Variants in UBE2K observed in about 807,000 individuals in gnomAD.
The protein encoded by UBE2K is ubiquitin conjugating enzyme E2 K.
In UBE2K, 6 loss-of-function variants were observed where a neutral mutation model predicts 30.0. That is an observed-to-expected ratio of 0.20 (90% CI 0.11 to 0.39). UBE2K has a LOEUF of 0.39. Among genes scored for constraint, UBE2K ranks in the 10% least tolerant of loss-of-function variants. UBE2K has a pLI of 1.00. For missense variants in UBE2K, 61 were observed against 241.6 expected (o/e 0.25, Z 4.96); for synonymous variants, 86 against 83.7 (o/e 1.03, Z -0.15).
intron 1 of UBE2K, among the ~76,000 whole-genome samples, chr4:39,698,611 A>G (rs1161889308): frequency 6.6e-6 from 1 of 152,008 alleles, no homozygotes; most frequent in African/African-American, 2.4e-5. Context: ...CTGGGGTGGA[A>G]CATGGTTTGG....
chr4:39,778,343 C>T lies in UBE2K; in HGVS notation c.529-17C>T. On this transcript the variant is annotated splice_polypyrimidine_tract_variant and intron_variant, in intron 6 of 6. Transcript: ENST00000261427. ...TTCCTTGAGATTTAATTTCCTGTCC[C>T]CTTTTCTTCTCTACAGAATGCAGTA... is the stretch of plus-strand genomic sequence containing the variant. 1 of 1,557,248 alleles carries T rather than the reference C, an allele frequency of 6.4e-7. No individual in the cohort carries two copies. Among genetic ancestry groups the T allele is most frequent in the Middle Eastern group, 1.7e-4 (1 of 5,954 alleles).
At chr4:39,760,388 A>G (rs1327311954) in intron 4 of UBE2K, among the ~76,000 whole-genome samples, 1 of 152,090 alleles carries the variant, frequency 6.6e-6, no homozygotes, top group African/African-American at 2.4e-5. Flanking sequence ...TAATAGCCCC[A>G]ACGGGAAATA....
At chr4:39,700,968 G>A (rs954023596) in intron 1 of UBE2K, among the ~76,000 whole-genome samples, 1 of 147,988 alleles carries the variant, frequency 6.8e-6, no homozygotes, top group African/African-American at 2.7e-5. Flanking sequence ...TTGCCTGTAT[G>A]GGTAAAAGGT....
chr4:39,717,752 C>T (rs1012113987), intron 1 of UBE2K, among the ~76,000 whole-genome samples: 1 of 152,050 alleles, frequency 6.6e-6, no homozygotes, highest in Non-Finnish European at 1.5e-5. Flanking sequence ...TTCTTAAAGG[C>T]GGCGTGTCCG....
At chr4:39,713,302 T>TTTTTTTTTG (rs1718820020) in intron 1 of UBE2K, among the ~76,000 whole-genome samples, 1 of 145,744 alleles carries the variant, frequency 6.9e-6, no homozygotes, top group African/African-American at 2.6e-5. Context: ...TTTTTTTTTT[T>TTTTTTTTTG]GAGACAGTTC....
chr4:39,721,546 G>A (rs1249470147), intron 1 of UBE2K, among the ~76,000 whole-genome samples: 4 of 151,464 alleles, frequency 2.6e-5, no homozygotes, highest in Non-Finnish European at 5.9e-5. Context: ...TTGTAGAGAT[G>A]GGGTTTCACC....
intron 2 of UBE2K, among the ~76,000 whole-genome samples, chr4:39,744,799 T>C (rs1035667134): frequency 4.0e-5 from 6 of 150,776 alleles, no homozygotes; most frequent in African/African-American, 1.2e-4. Flanking sequence ...CTCAGCTACT[T>C]GGGAGGCTGA....
At chr4:39,742,754 C>G (rs886857748) in intron 2 of UBE2K, among the ~76,000 whole-genome samples, 2 of 150,334 alleles carry the variant, frequency 1.3e-5, no homozygotes, top group African/African-American at 4.9e-5. Flanking sequence ...TAAAAAGTAG[C>G]CAGAAGAGAG....
At chr4:39,763,285 CTT>C (rs1013214940) in intron 4 of UBE2K, among the ~76,000 whole-genome samples, 9 of 148,798 alleles carry the variant, frequency 6.0e-5, no homozygotes, top group Non-Finnish European at 1.0e-4. Flanking sequence ...GAGTTTCGCT[CTT>C]GTTACCCGGG....
Position 39,745,742 on chromosome 4 carries a change from A to AT in UBE2K, c.158-3dup, listed in dbSNP as rs770160239. ...CAGCATTCTTAACTTTGTTTTCCCC[A>AT]TTTTTTTAGGAGGAAGATACCAACT... On this transcript the variant is annotated splice_polypyrimidine_tract_variant and intron_variant, in intron 2 of 6. Coordinates refer to ENST00000261427, the MANE Select transcript of UBE2K (RefSeq NM_005339.5). The AT allele has an allele frequency of 6.9e-6, 11 of 1,594,588 alleles. No individual in the cohort carries two copies. The highest frequency in any genetic ancestry group is 2.2e-5 in the South Asian group (2 of 88,890).
intron 3 of UBE2K, among the ~76,000 whole-genome samples, chr4:39,748,513 C>T (rs1342693569): frequency 2.0e-5 from 3 of 152,006 alleles, no homozygotes; most frequent in African/African-American, 7.2e-5. Context: ...GGCATGGTGG[C>T]TCACGCCTAT....
At chr4:39,759,065 C>T (rs1264438392) in intron 4 of UBE2K, among the ~76,000 whole-genome samples, 1 of 152,078 alleles carries the variant, frequency 6.6e-6, no homozygotes, top group Admixed American at 6.6e-5. Context: ...ACATTTAGTG[C>T]ATATCCATAT....
intron 1 of UBE2K, among the ~76,000 whole-genome samples, chr4:39,722,357 A>G (rs985065126): frequency 6.6e-6 from 1 of 152,292 alleles, no homozygotes; most frequent in South Asian, 2.1e-4. Flanking sequence ...CTTCATATTG[A>G]ATCATATTAG....
intron 1 of UBE2K, among the ~76,000 whole-genome samples, chr4:39,728,479 T>C (rs1056494764): frequency 6.6e-6 from 1 of 152,216 alleles, no homozygotes; most frequent in Non-Finnish European, 1.5e-5. Flanking sequence ...TTAGGTATTA[T>C]TGTTGATCGT....
chr4:39,732,514 T>G (rs1289350415), intron 1 of UBE2K, among the ~76,000 whole-genome samples: 2 of 152,130 alleles, frequency 1.3e-5, no homozygotes, highest in Non-Finnish European at 2.9e-5. Flanking sequence ...GGAAATACAT[T>G]AGAACCGCTT....
chr4:39,701,279 T>G (rs147912188), intron 1 of UBE2K, among the ~76,000 whole-genome samples: 29 of 152,324 alleles, frequency 1.9e-4, no homozygotes, highest in African/African-American at 6.7e-4. Context: ...TAATTAGTTA[T>G]TTTATGAGTA....
Position 39,712,097 on chromosome 4 carries a change from A to G in UBE2K, c.63+13707A>G, listed in dbSNP as rs181711952. Among the ~76,000 whole-genome samples, 1,120 of 147,058 alleles carry G rather than the reference A, an allele frequency of 7.6e-3. 16 individuals carry two copies. Among genetic ancestry groups the G allele is most frequent in the African/African-American group, 0.026 (1,058 of 40,180 alleles). The stretch of plus-strand genomic sequence containing the variant: ...TATCTCAGGAAAAAAAGAGGAAGGG[A>G]AAAAAAAAACGTAGTTACTTGAAAC... On this transcript the variant is annotated intron_variant, in intron 1 of 6. Transcript: ENST00000261427.
chr4:39,709,894 A>G (rs1169735974), intron 1 of UBE2K, among the ~76,000 whole-genome samples: 1 of 152,084 alleles, frequency 6.6e-6, no homozygotes, highest in Non-Finnish European at 1.5e-5. Flanking sequence ...AACTAGACCA[A>G]AGAATCTAGA....
chr4:39,752,485 C>T (rs1412602853), intron 3 of UBE2K, among the ~76,000 whole-genome samples: 6 of 151,882 alleles, frequency 4.0e-5, no homozygotes, highest in Non-Finnish European at 5.9e-5. Context: ...TACAGGCGCC[C>T]GCCACCGCGC....
Sources: allele counts gnomAD v4.1 joint callset (sites outside exome capture counted in the v4.1 genomes callset), GRCh38; gene constraint gnomAD v4.1.1; transcripts MANE v1.5; gene names NCBI Gene and HGNC (gene_info 2026-07-23, HGNC 2026-07-21).